Variants in NDST4 observed in about 807,000 individuals in gnomAD.
NDST4 encodes N-heparan sulfate sulfotransferase 4.
A neutral mutation model predicts 100.8 loss-of-function variants in NDST4; 63 were observed. The ratio of observed to expected loss-of-function variants is 0.62; its 90% CI spans 0.51 to 0.77. NDST4 has a LOEUF of 0.77. Among genes scored for constraint, NDST4 ranks in the 30% least tolerant of loss-of-function variants. The pLI, the probability that NDST4 is intolerant of heterozygous loss-of-function variation, is 0.00. For synonymous variants in NDST4, 377 were observed against 361.8 expected (o/e 1.04, Z -0.48); for missense variants, 943 against 1,018.4 (o/e 0.93, Z 1.01).
At chr4:114,954,133 C>T (rs1253294443) in intron 4 of NDST4, among the ~76,000 whole-genome samples, 1 of 152,102 alleles carries the variant, frequency 6.6e-6, no homozygotes, top group Non-Finnish European at 1.5e-5. Flanking sequence ...TTTCACTGCT[C>T]TGTCTTCCAG....
rs966996698 is a variant in NDST4 at position 114,937,237 on chromosome 4, T to G, written c.1407+81A>C. The G allele has an allele frequency of 9.1e-6, 13 of 1,428,714 alleles. No individual in the cohort carries two copies. The African/African-American group carries it at 1.7e-4, about 19-fold the overall frequency. The allele number at this position is 1,428,714 out of a possible 1,614,324, so 88.5% of individuals were successfully genotyped here. A position where few individuals can be genotyped will look rare whatever the true frequency, so the allele number is the denominator to read the frequency against. On this transcript the variant is annotated intron_variant, in intron 5 of 13. Coordinates refer to ENST00000264363, the MANE Select transcript of NDST4 (RefSeq NM_022569.3). ...CATGTAAAAGAGGTTCGAGGTTACA[T>G]CCTTAGAGGAAATGGCCCTCTGTCT... is the stretch of plus-strand genomic sequence containing the variant.
At chr4:115,050,409 C>T (rs1728559249) in intron 2 of NDST4, among the ~76,000 whole-genome samples, 1 of 151,834 alleles carries the variant, frequency 6.6e-6, no homozygotes, top group Admixed American at 6.6e-5. Flanking sequence ...AAGCATTACA[C>T]ACACACACAC....
intron 2 of NDST4, among the ~76,000 whole-genome samples, chr4:115,019,799 C>G (rs560514691): frequency 7.6e-4 from 115 of 152,130 alleles, no homozygotes; most frequent in African/African-American, 2.7e-3. Context: ...GAATGAGTTG[C>G]AGATAAAAGG....
rs140887936 is a variant in NDST4, at chr4:114,962,048, A to C, written c.1221+8382T>G. 6.2e-3 allele frequency among the ~76,000 whole-genome samples: 937 copies of C among 152,232 alleles called. 7 individuals are homozygous for C. The highest frequency in any genetic ancestry group is 0.02 in the African/African-American group (812 of 41,574). On this transcript the variant is annotated intron_variant, in intron 4 of 13. Transcript: ENST00000264363. ...TTAACTTAACATCTAAAAATCAATT[A>C]GAGTAATATACCATATCAAGAGAAT... is the stretch of plus-strand genomic sequence containing the variant.
intron 4 of NDST4, among the ~76,000 whole-genome samples, chr4:114,938,039 C>T (rs1560821412): frequency 6.6e-6 from 1 of 152,240 alleles, no homozygotes; most frequent in East Asian, 1.9e-4. Flanking sequence ...AAGATCTGCT[C>T]TGAGTTTTAA....
At chr4:114,897,506 T>C (rs115245187) in intron 6 of NDST4, among the ~76,000 whole-genome samples, 2,006 of 152,318 alleles carry the variant, frequency 0.013, 44 homozygotes, top group African/African-American at 0.046. Context: ...TCTTCCAAGA[T>C]TTGGCAATTG....
intron 1 of NDST4, among the ~76,000 whole-genome samples, chr4:115,111,255 T>C (rs907620303): frequency 6.6e-6 from 1 of 151,928 alleles, no homozygotes; most frequent in African/African-American, 2.4e-5. Context: ...AGTATTGAGA[T>C]TGAATTATGT....
chr4:114,996,256 G>A (rs1308030630), intron 2 of NDST4, among the ~76,000 whole-genome samples: 1 of 151,982 alleles, frequency 6.6e-6, no homozygotes, highest in African/African-American at 2.4e-5. Flanking sequence ...TAAGCGTCTG[G>A]TGTTTCCCCT....
chr4:115,007,621 A>C (rs1727450917), intron 2 of NDST4, among the ~76,000 whole-genome samples: 1 of 67,598 alleles, frequency 1.5e-5, no homozygotes, highest in African/African-American at 5.8e-5. Context: ...AGATAGAAGG[A>C]CTGATGGAAT....
At chr4:115,060,318 A>C (rs1728791800) in intron 2 of NDST4, among the ~76,000 whole-genome samples, 1 of 151,988 alleles carries the variant, frequency 6.6e-6, no homozygotes, top group Non-Finnish European at 1.5e-5. Context: ...TAAGAAAGGA[A>C]TTAACTCTAT....
chr4:115,029,460 A>G (rs1728068533), intron 2 of NDST4, among the ~76,000 whole-genome samples: 1 of 152,106 alleles, frequency 6.6e-6, no homozygotes, highest in Admixed American at 6.6e-5. Flanking sequence ...TTGGAACCAG[A>G]AAAAAGTTTC....
Position 114,910,184 on chromosome 4 carries a change from C to T in NDST4, c.1536+25022G>A, listed in dbSNP as rs541321322. On this transcript the variant is annotated intron_variant, in intron 6 of 13. Transcript: ENST00000264363. ...TTTTAAATATGTCAGAGCACATTCT[C>T]TCAAGATCCACTCAAGAGCTTGATG... Among the ~76,000 whole-genome samples, 3 of 152,248 alleles carry T rather than the reference C, an allele frequency of 2.0e-5. No homozygotes were observed. In the South Asian group the frequency reaches 6.2e-4, roughly 32 times the overall value.
chr4:115,106,737 C>G (rs1039291497), intron 1 of NDST4, among the ~76,000 whole-genome samples: 30 of 152,078 alleles, frequency 2.0e-4, no homozygotes, highest in African/African-American at 7.2e-4. Context: ...TTACATCGAT[C>G]TTCATTTCAT....
chr4:114,916,715 C>G (rs1158809828), intron 6 of NDST4, among the ~76,000 whole-genome samples: 1 of 151,168 alleles, frequency 6.6e-6, no homozygotes, highest in African/African-American at 2.4e-5. Context: ...TTTTTAGAGA[C>G]AGGGTCTTAC....
chr4:114,902,949 T>A (rs1345604633), intron 6 of NDST4, among the ~76,000 whole-genome samples: 1 of 152,150 alleles, frequency 6.6e-6, no homozygotes, highest in Non-Finnish European at 1.5e-5. Context: ...TCTTATATTC[T>A]ACAACATTAC....
intron 1 of NDST4, among the ~76,000 whole-genome samples, chr4:115,078,273 G>T (rs961183955): frequency 6.6e-6 from 1 of 152,108 alleles, no homozygotes; most frequent in African/African-American, 2.4e-5. Flanking sequence ...GGGGTGCCAG[G>T]TATCTCACAT....
chr4:115,092,147 T>C (rs1234901696), intron 1 of NDST4, among the ~76,000 whole-genome samples: 1 of 152,068 alleles, frequency 6.6e-6, no homozygotes, highest in Non-Finnish European at 1.5e-5. Flanking sequence ...GCCTGGGCAA[T>C]ACTGGGATCT....
Position 114,833,731 on chromosome 4 carries a change from T to C in NDST4, c.2287-16A>G. 1 of 1,547,042 alleles carries C rather than the reference T, an allele frequency of 6.5e-7. No individual in the cohort carries two copies. Among genetic ancestry groups the C allele is most frequent in the Non-Finnish European group, 8.9e-7 (1 of 1,126,450 alleles). On this transcript the variant is annotated splice_polypyrimidine_tract_variant and intron_variant, in intron 11 of 13. Transcript: ENST00000264363. ...TAATTAGCAACTGTAAAGTCAGAAA[T>C]AGTCACTTTATGAAGAAAAAAATTA...
intron 2 of NDST4, among the ~76,000 whole-genome samples, chr4:115,070,445 G>A (rs1729051026): frequency 1.3e-5 from 2 of 152,000 alleles, no homozygotes; most frequent in African/African-American, 4.8e-5. Flanking sequence ...AAGGGCCACA[G>A]GAATATTAAC....
Sources: allele counts gnomAD v4.1 joint callset (sites outside exome capture counted in the v4.1 genomes callset), GRCh38; gene constraint gnomAD v4.1.1; transcripts MANE v1.5; gene names NCBI Gene and HGNC (gene_info 2026-07-23, HGNC 2026-07-21).